PPP1R2: variants seen among roughly 807,000 people sequenced by gnomAD.
PPP1R2 encodes the protein protein phosphatase 1 regulatory inhibitor subunit 2, also known as protein phosphatase inhibitor 2.
Under a neutral mutation model 29.9 loss-of-function variants are expected in PPP1R2, and 16 were observed. The observed-to-expected ratio is 0.53, with a 90% CI of 0.36 to 0.81. The LOEUF is 0.81. Among genes scored for constraint, PPP1R2 ranks in the 30% least tolerant of loss-of-function variants. The pLI, the probability that PPP1R2 is intolerant of heterozygous loss-of-function variation, is 0.00. For missense variants in PPP1R2, 197 were observed against 252.7 expected (o/e 0.78, Z 1.49); for synonymous variants, 76 against 91.5 (o/e 0.83, Z 0.96).
chr3:195,541,254 G>A (rs913208160), intron 1 of PPP1R2, among the ~76,000 whole-genome samples: 25 of 152,082 alleles, frequency 1.6e-4, no homozygotes, highest in Admixed American at 2.6e-4. Flanking sequence ...GCAGATCCAA[G>A]TTAAGAATAA....
chr3:195,524,516 C>T (rs1718888490), intron 3 of PPP1R2, among the ~76,000 whole-genome samples: 1 of 152,190 alleles, frequency 6.6e-6, no homozygotes, highest in African/African-American at 2.4e-5. Context: ...CAGAGCGAGA[C>T]TCTGTCTCAG....
chr3:195,529,683 C>G, intron 2 of PPP1R2, 111 bp downstream of exon 2: 1 of 708,356 alleles, frequency 1.4e-6, no homozygotes, highest in East Asian at 2.9e-5. Context: ...CACTAGTGCT[C>G]CAGTAACAAA....
chr3:195,523,212 C>G (rs995089047), intron 4 of PPP1R2: 21 of 161,996 alleles, frequency 1.3e-4, no homozygotes, highest in Non-Finnish European at 4.1e-5. Flanking sequence ...CATCTCCCTT[C>G]CTGTGACACT....
chr3:195,542,373 G>A (rs1719628371), intron 1 of PPP1R2, among the ~76,000 whole-genome samples: 1 of 152,144 alleles, frequency 6.6e-6, no homozygotes, highest in Non-Finnish European at 1.5e-5. Flanking sequence ...ACTGTTTTGA[G>A]CTTAGATCTA....
intron 4 of PPP1R2, among the ~76,000 whole-genome samples, chr3:195,520,225 G>A (rs984249392): frequency 6.6e-6 from 1 of 152,162 alleles, no homozygotes; most frequent in Admixed American, 6.5e-5. Flanking sequence ...GGCCAGGTTG[G>A]TCTCCAACTC....
intron 4 of PPP1R2, chr3:195,519,515 ATATAC>A: frequency 4.6e-6 from 1 of 217,668 alleles, no homozygotes; most frequent in African/African-American, 2.3e-5. Flanking sequence ...TTACAACACC[ATATAC>A]TATATTTACT....
intron 1 of PPP1R2, among the ~76,000 whole-genome samples, chr3:195,534,376 G>A (rs1719295406): frequency 6.6e-6 from 1 of 152,110 alleles, no homozygotes; most frequent in South Asian, 2.1e-4. Flanking sequence ...GCCTGTACAG[G>A]TTTTTAATGA....
At chr3:195,526,577 A>T (rs1446776465) in intron 2 of PPP1R2, among the ~76,000 whole-genome samples, 2 of 152,182 alleles carry the variant, frequency 1.3e-5, no homozygotes, top group East Asian at 3.9e-4. Context: ...TTATATTTAT[A>T]AACAGTCAAA....
chr3:195,534,610 TAGA>T (rs1435336252), intron 1 of PPP1R2, among the ~76,000 whole-genome samples: 2 of 152,052 alleles, frequency 1.3e-5, no homozygotes, highest in Non-Finnish European at 2.9e-5. Flanking sequence ...CTTGTGGTTG[TAGA>T]AGGTCTGGAC....
intron 1 of PPP1R2, among the ~76,000 whole-genome samples, chr3:195,532,490 T>C (rs568012401): frequency 2.8e-4 from 42 of 152,294 alleles, no homozygotes; most frequent in Admixed American, 7.9e-4. Flanking sequence ...ACAATACCGA[T>C]GTCTTCAGAT....
chr3:195,515,096 C>T lies in PPP1R2; in HGVS notation c.*1800G>A, dbSNP rs1193496353. On this transcript the variant is annotated 3_prime_UTR_variant, in exon 6 of 6. Coordinates refer to ENST00000618156, the MANE Select transcript of PPP1R2 (RefSeq NM_006241.8). The stretch of plus-strand genomic sequence containing the variant: ...CAGAGGGTGCATGAATATATGTGCA[C>T]GCACATGTACAGACTTAATCTCTAC... The T allele has an allele frequency of 5.3e-5, 14 of 264,816 alleles. No homozygotes were observed. Among genetic ancestry groups the T allele is most frequent in the African/African-American group, 1.2e-4 (5 of 43,464 alleles). 16.4% of individuals were successfully genotyped at this position (264,816 alleles called of 1,614,324 possible). A position where few individuals can be genotyped will look rare whatever the true frequency, so the allele number is the denominator to read the frequency against.
At position 195,520,462 on chromosome 3, in the gene PPP1R2, A is replaced by G. The variant is rs546245137; in HGVS notation, c.404-1277T>C. 4.6e-5 allele frequency among the ~76,000 whole-genome samples: 7 copies of G among 152,240 alleles called. No individual in the cohort carries two copies. The East Asian group carries it at 1.4e-3, about 29-fold the overall frequency. On this transcript the variant is annotated intron_variant, in intron 4 of 5. Transcript: ENST00000618156. ...TATCTCTACAAAAAAATTACAAAAA[A>G]TTAGCTGGGTGTGGTAGTACACGAC... is the stretch of plus-strand genomic sequence containing the variant.
chr3:195,518,855 T>C (rs1718649593), intron 5 of PPP1R2, among the ~76,000 whole-genome samples, 163 bp downstream of exon 5: 1 of 152,212 alleles, frequency 6.6e-6, no homozygotes, highest in South Asian at 2.1e-4. Context: ...ACTTTATTAT[T>C]CTGAAATTGG....
intron 4 of PPP1R2, among the ~76,000 whole-genome samples, chr3:195,522,462 T>C (rs151300927): frequency 8.5e-4 from 130 of 152,250 alleles, no homozygotes; most frequent in African/African-American, 3.0e-3. Flanking sequence ...ACTCATGAAA[T>C]CACAACTTGA....
chr3:195,528,700 C>CTTTTTTTTTTTTTTTTTTTTTT (rs767313014), intron 2 of PPP1R2: 2 of 76,646 alleles, frequency 2.6e-5, no homozygotes, highest in Non-Finnish European at 4.7e-5. Context: ...TAGGGCATAA[C>CTTTTTTTTTTTTTTTTTTTTTT]TATTTTTTTT....
chr3:195,521,440 G>A lies in PPP1R2; in HGVS notation c.403+2252C>T, dbSNP rs556393218. 2.0e-5 allele frequency among the ~76,000 whole-genome samples: 3 copies of A among 151,134 alleles called. No homozygotes were observed. In the East Asian group the frequency reaches 5.8e-4, roughly 29 times the overall value. ...AATTTTAAAATCGTTACAAGTTGTT[G>A]AGTCATAATTTAATTCCCTATTTTT... On this transcript the variant is annotated intron_variant, in intron 4 of 5. Coordinates refer to ENST00000618156, the MANE Select transcript of PPP1R2 (RefSeq NM_006241.8).
intron 5 of PPP1R2, among the ~76,000 whole-genome samples, chr3:195,517,677 G>C (rs1718597200): frequency 1.3e-5 from 2 of 151,872 alleles, no homozygotes; most frequent in South Asian, 4.2e-4. Flanking sequence ...TTTTTCAAAA[G>C]AAATGGCGTT....
chr3:195,529,859 C>G lies in PPP1R2; in HGVS notation c.165G>C (p.Thr55=). The change falls in exon 2 of 6, where the codon ACG becomes ACC. Residue 55 remains threonine, a synonymous_variant. Transcript: ENST00000618156. ...CATAGTCTTTGTCTGCTGGATGATA[C>G]GTCGCCAAGATGTTCATTTCATCCC... The part of the protein sequence containing the change: ...QKWDEMNILA[T]YHPADKDYGL... 10 of 1,611,566 alleles carry G rather than the reference C, an allele frequency of 6.2e-6. No homozygotes were observed. The highest frequency in any genetic ancestry group is 8.5e-6 in the Non-Finnish European group (10 of 1,179,508).
Position 195,524,801 on chromosome 3 carries a change from C to T in PPP1R2, c.308+18G>A. 6.2e-7 allele frequency: 1 copy of T among 1,613,016 alleles called. No individual in the cohort carries two copies. Among genetic ancestry groups the T allele is most frequent in the South Asian group, 1.1e-5 (1 of 90,984 alleles). ...TAAACAGCCTAAGTGAAAATGTGCT[C>T]CGGTCATTAGTACTTACTTCCTGGC... On this transcript the variant is annotated intron_variant, in intron 3 of 5. Coordinates refer to ENST00000618156, the MANE Select transcript of PPP1R2 (RefSeq NM_006241.8).
Sources: gnomAD v4.1 joint callset for allele counts (sites outside exome capture counted in the v4.1 genomes callset) on GRCh38, gnomAD v4.1.1 for gene constraint, MANE v1.5 for transcripts, NCBI Gene and HGNC (gene_info 2026-07-23, HGNC 2026-07-21) for gene names.